Variants in ABI2 observed in about 807,000 individuals in gnomAD.
The protein encoded by ABI2 is abl interactor 2.
A neutral mutation model predicts 59.2 loss-of-function variants in ABI2; 25 were observed. That is an observed-to-expected ratio of 0.42 (90% CI 0.31 to 0.59). The LOEUF is 0.59. ABI2 is among the 20% of genes least tolerant of loss of function. The pLI is 0.14. For synonymous variants in ABI2, 213 were observed against 235.5 expected (o/e 0.90, Z 0.87); for missense variants, 545 against 681.8 (o/e 0.80, Z 2.23).
chr2:203,403,900 C>A (rs923644036), intron 9 of ABI2, among the ~76,000 whole-genome samples: 1 of 151,516 alleles, frequency 6.6e-6, no homozygotes, highest in Admixed American at 6.6e-5. Context: ...TACAGGCACC[C>A]ACGACCACAC....
intron 4 of ABI2, among the ~76,000 whole-genome samples, chr2:203,385,433 A>T (rs1486369028): frequency 6.6e-6 from 1 of 152,104 alleles, no homozygotes; most frequent in Non-Finnish European, 1.5e-5. Context: ...GCCCGGCCAG[A>T]TTCTTAATAA....
At chr2:203,417,979 A>G (rs956119607) in intron 11 of ABI2, among the ~76,000 whole-genome samples, 2 of 152,146 alleles carry the variant, frequency 1.3e-5, no homozygotes, top group African/African-American at 2.4e-5. Context: ...GAGAGAGAGA[A>G]AGAGAAACAT....
intron 9 of ABI2, among the ~76,000 whole-genome samples, chr2:203,406,566 A>G (rs1175301528): frequency 6.6e-6 from 1 of 152,232 alleles, no homozygotes; most frequent in African/African-American, 2.4e-5. Context: ...TATTCTCTAA[A>G]TGATTTGTGA....
At chr2:203,416,365 G>C (rs1035128989) in intron 10 of ABI2, among the ~76,000 whole-genome samples, 1 of 151,730 alleles carries the variant, frequency 6.6e-6, no homozygotes. Context: ...GCGTGATCTC[G>C]ACTCACTGCA....
intron 4 of ABI2, among the ~76,000 whole-genome samples, chr2:203,384,620 T>C (rs1219720370): frequency 1.3e-5 from 2 of 151,854 alleles, no homozygotes; most frequent in Non-Finnish European, 2.9e-5. Flanking sequence ...AGTACTCTTT[T>C]AGTAGTAAAA....
chr2:203,391,166 A>G, intron 5 of ABI2, 23 bp downstream of exon 5: 1 of 1,513,344 alleles, frequency 6.6e-7, no homozygotes, highest in Non-Finnish European at 9.0e-7. Flanking sequence ...GTAGTAATTG[A>G]AAACCATTTC....
rs532711773 is a variant in ABI2, at chr2:203,428,702, G to C, written c.*1350G>C. The stretch of plus-strand genomic sequence containing the variant: ...ACTTTAATCATCACTACTGTAGTCA[G>C]TATAAGAAATGCTGAAAAAAATCCA... On this transcript the variant is annotated 3_prime_UTR_variant, in exon 12 of 12. Transcript: ENST00000261018. The C allele has an allele frequency of 6.6e-6, 1 of 152,212 alleles. No homozygotes were observed. The highest frequency in any genetic ancestry group is 2.4e-5 in the African/African-American group (1 of 41,446). 9.4% of individuals were successfully genotyped at this position (152,212 alleles called of 1,614,324 possible).
chr2:203,328,760 G>T, intron 1 of ABI2, 129 bp downstream of exon 1: 1 of 504,336 alleles, frequency 2.0e-6, no homozygotes, highest in South Asian at 3.4e-5. Context: ...GGGGAGCTGG[G>T]TGAGGGCTGG....
At chr2:203,365,284 A>G (rs1272602990) in intron 1 of ABI2, among the ~76,000 whole-genome samples, 2 of 152,114 alleles carry the variant, frequency 1.3e-5, no homozygotes, top group African/African-American at 4.8e-5. Flanking sequence ...ACTTAGTTAT[A>G]TCGTAGATAT....
intron 2 of ABI2, among the ~76,000 whole-genome samples, chr2:203,370,747 G>C (rs1476813636): frequency 6.6e-6 from 1 of 152,118 alleles, no homozygotes; most frequent in Non-Finnish European, 1.5e-5. Flanking sequence ...TTGTAGAGAA[G>C]ATTGAGTTGA....
chr2:203,411,981 A>T (rs1198805102), intron 10 of ABI2, among the ~76,000 whole-genome samples: 1 of 152,228 alleles, frequency 6.6e-6, no homozygotes, highest in Non-Finnish European at 1.5e-5. Flanking sequence ...GAGACCAGTG[A>T]ACATAGACTG....
At chr2:203,340,853 A>G (rs2079441644) in intron 1 of ABI2, among the ~76,000 whole-genome samples, 1 of 152,052 alleles carries the variant, frequency 6.6e-6, no homozygotes, top group Non-Finnish European at 1.5e-5. Flanking sequence ...AAACTGAACC[A>G]AAACAATATT....
At chr2:203,373,484 GGGGAGAGGGAGAGGGAGAGGGAGC>G (rs990624946) in intron 2 of ABI2, among the ~76,000 whole-genome samples, 11 of 151,160 alleles carry the variant, frequency 7.3e-5, no homozygotes, top group Admixed American at 2.6e-4. Flanking sequence ...CATGGGCCGT[GGGGAGAGGGAGAGGGAGAGGGAGC>G]GGGAGAGGGA....
intron 2 of ABI2, chr2:203,375,857 GCTCT>G: frequency 2.6e-6 from 1 of 391,114 alleles, no homozygotes. Flanking sequence ...TAGATTTAGT[GCTCT>G]CTGTCAAATT....
intron 10 of ABI2, among the ~76,000 whole-genome samples, chr2:203,412,495 A>G (rs992889611): frequency 1.3e-5 from 2 of 152,160 alleles, no homozygotes; most frequent in African/African-American, 4.8e-5. Flanking sequence ...ATTTCTGAAA[A>G]TAGTCTATTT....
intron 10 of ABI2, among the ~76,000 whole-genome samples, chr2:203,412,500 C>G (rs1169379004): frequency 6.6e-6 from 1 of 152,162 alleles, no homozygotes; most frequent in Non-Finnish European, 1.5e-5. Flanking sequence ...TGAAAATAGT[C>G]TATTTTACTT....
At chr2:203,398,824 G>GT (rs960858646) in intron 8 of ABI2, among the ~76,000 whole-genome samples, 29 of 151,444 alleles carry the variant, frequency 1.9e-4, no homozygotes, top group African/African-American at 4.1e-4. Context: ...TTTTTGATCT[G>GT]TTTTTTTTGG....
chr2:203,414,001 G>A (rs1007295267), intron 10 of ABI2, among the ~76,000 whole-genome samples: 2 of 152,042 alleles, frequency 1.3e-5, no homozygotes, highest in Admixed American at 1.3e-4. Flanking sequence ...CTGCTGTAAG[G>A]CCCTTCCTGC....
At chr2:203,358,111 G>GTT (rs1418541970) in intron 1 of ABI2, among the ~76,000 whole-genome samples, 186 of 109,330 alleles carry the variant, frequency 1.7e-3, no homozygotes, top group African/African-American at 2.2e-3. Context: ...GTGTGTGTGT[G>GTT]TGTTTGTTTG....
Sources: allele counts gnomAD v4.1 joint callset (sites outside exome capture counted in the v4.1 genomes callset), GRCh38; gene constraint gnomAD v4.1.1; transcripts MANE v1.5; gene names NCBI Gene and HGNC (gene_info 2026-07-23, HGNC 2026-07-21).